The following EFNA5 variants were observed in gnomAD, a reference collection of about 807,000 sequenced individuals.
EFNA5 encodes ephrin-A5.
EFNA5 carries 5 observed loss-of-function variants against 22.9 expected under a neutral mutation model. The observed-to-expected ratio is 0.22, with a 90% CI of 0.11 to 0.46. EFNA5 has a LOEUF of 0.46. EFNA5 is among the 20% of genes least tolerant of loss of function. The pLI, the probability that EFNA5 is intolerant of heterozygous loss-of-function variation, is 0.99. For synonymous variants in EFNA5, 113 were observed against 112.2 expected (o/e 1.01, Z -0.04); for missense variants, 237 against 293.3 (o/e 0.81, Z 1.40).
intron 1 of EFNA5, among the ~76,000 whole-genome samples, chr5:107,600,507 C>G (rs11948426): frequency 0.081 from 12,182 of 150,224 alleles, 1,671 homozygotes; most frequent in African/African-American, 0.28. Context: ...TTTTTTTGGC[C>G]ACAGAGTCTC....
chr5:107,456,755 G>A (rs1037951074), intron 1 of EFNA5, among the ~76,000 whole-genome samples: 1 of 152,112 alleles, frequency 6.6e-6, no homozygotes, highest in Non-Finnish European at 1.5e-5. Context: ...GTCCAGATGA[G>A]CTCTCTGGTC....
Position 107,387,693 on chromosome 5 carries a change from C to T in EFNA5, c.484+13G>A. 1 of 1,601,978 alleles carries T rather than the reference C, an allele frequency of 6.2e-7. No homozygotes were observed. Among genetic ancestry groups the T allele is most frequent in the Middle Eastern group, 1.7e-4 (1 of 6,016 alleles). Reference sequence around the variant, plus strand: ...GTGAAGCCACCCTCTGAAGCTCATTCTAGTGAACTTACTTGTTGGTCTCAC... The same window carrying T: ...GTGAAGCCACCCTCTGAAGCTCATTTTAGTGAACTTACTTGTTGGTCTCAC... On this transcript the variant is annotated intron_variant, in intron 3 of 4. Coordinates refer to ENST00000333274, the MANE Select transcript of EFNA5 (RefSeq NM_001962.3).
chr5:107,660,283 T>TATATATATATATATAA (rs1561462895), intron 1 of EFNA5, among the ~76,000 whole-genome samples: 9 of 67,970 alleles, frequency 1.3e-4, no homozygotes, highest in African/African-American at 3.3e-4. Context: ...TATATATATA[T>TATATATATATATATAA]ATATATATAT....
chr5:107,412,081 TA>T (rs1192021155), intron 2 of EFNA5, among the ~76,000 whole-genome samples: 67 of 151,998 alleles, frequency 4.4e-4, no homozygotes, highest in Admixed American at 4.2e-3. Flanking sequence ...TGTGATGGGT[TA>T]AAAAAAATAG....
intron 1 of EFNA5, among the ~76,000 whole-genome samples, chr5:107,603,766 T>A (rs967511390): frequency 6.6e-6 from 1 of 152,220 alleles, no homozygotes; most frequent in Non-Finnish European, 1.5e-5. Context: ...GTGACTTATG[T>A]TAGCAAGTGA....
chr5:107,555,918 A>G (rs1748400373), intron 1 of EFNA5, among the ~76,000 whole-genome samples: 1 of 152,306 alleles, frequency 6.6e-6, no homozygotes. Context: ...AAGCATCTCT[A>G]TCCAACTCAC....
intron 1 of EFNA5, among the ~76,000 whole-genome samples, chr5:107,582,401 G>T (rs776155708): frequency 5.3e-5 from 8 of 152,138 alleles, no homozygotes; most frequent in Non-Finnish European, 1.0e-4. Flanking sequence ...TGTAAGACAG[G>T]ATACTACAAA....
chr5:107,387,486 A>C (rs1747659162), intron 3 of EFNA5, among the ~76,000 whole-genome samples, 171 bp from the exon 4 acceptor site: 1 of 152,224 alleles, frequency 6.6e-6, no homozygotes, highest in Non-Finnish European at 1.5e-5. Context: ...CATGTACAAC[A>C]GTCTAAGAAA....
At chr5:107,438,550 G>T (rs1473130199) in intron 1 of EFNA5, among the ~76,000 whole-genome samples, 1 of 152,182 alleles carries the variant, frequency 6.6e-6, no homozygotes, top group Non-Finnish European at 1.5e-5. Context: ...ATGTCCAGGG[G>T]TTTGCTCCAG....
intron 1 of EFNA5, among the ~76,000 whole-genome samples, chr5:107,486,478 C>G (rs72789625): frequency 5.2e-4 from 79 of 152,232 alleles, no homozygotes; most frequent in Non-Finnish European, 9.1e-4. Context: ...GTTCGGGTAA[C>G]TTATGGAAAT....
At chr5:107,496,069 T>C (rs1346801962) in intron 1 of EFNA5, among the ~76,000 whole-genome samples, 1 of 149,976 alleles carries the variant, frequency 6.7e-6, no homozygotes, top group Non-Finnish European at 1.5e-5. Context: ...CTCATGCCTG[T>C]AATCCCAGCA....
chr5:107,381,510 A>C, intron 4 of EFNA5, 134 bp from the exon 5 acceptor site: 1 of 999,558 alleles, frequency 1.0e-6, no homozygotes, highest in Non-Finnish European at 1.4e-6. Context: ...ATTGACTTTC[A>C]TGTCTGCATA....
chr5:107,514,417 T>C (rs543606744), intron 1 of EFNA5, among the ~76,000 whole-genome samples: 2 of 152,276 alleles, frequency 1.3e-5, no homozygotes, highest in East Asian at 1.9e-4. Flanking sequence ...GGTTACTGTT[T>C]CATGTGAACT....
intron 2 of EFNA5, among the ~76,000 whole-genome samples, chr5:107,412,016 G>A (rs971369304): frequency 6.6e-6 from 1 of 152,146 alleles, no homozygotes; most frequent in African/African-American, 2.4e-5. Flanking sequence ...CATACATTTG[G>A]CAATGAATTA....
intron 1 of EFNA5, among the ~76,000 whole-genome samples, chr5:107,436,609 T>G (rs1359315609): frequency 6.6e-6 from 1 of 152,152 alleles, no homozygotes; most frequent in Non-Finnish European, 1.5e-5. Context: ...AAAGCTGTAC[T>G]TCAGGTCTTA....
intron 1 of EFNA5, among the ~76,000 whole-genome samples, chr5:107,550,212 C>T (rs908690566): frequency 6.6e-6 from 1 of 152,116 alleles, no homozygotes; most frequent in African/African-American, 2.4e-5. Flanking sequence ...ACACAGGGAA[C>T]AACTCTTGTC....
At chr5:107,616,842 A>G (rs924586721) in intron 1 of EFNA5, among the ~76,000 whole-genome samples, 12 of 152,210 alleles carry the variant, frequency 7.9e-5, no homozygotes, top group African/African-American at 2.4e-4. Context: ...ACATTTTTAT[A>G]AATCCAAATA....
In EFNA5 at chr5:107,550,588, A is replaced by C. The variant is rs545887505; in HGVS notation, c.125+119901T>G. Among the ~76,000 whole-genome samples the C allele has an allele frequency of 6.6e-5, 10 of 152,316 alleles. No homozygotes were observed. In the South Asian group the frequency reaches 1.7e-3, roughly 25 times the overall value. ...TGATACGATATATGTACTGTACCTT[A>C]ATAAGGCAGTTATAATTTTCATTCC... On this transcript the variant is annotated intron_variant, in intron 1 of 4. Transcript: ENST00000333274.
At chr5:107,443,674 C>T (rs1421270838) in intron 1 of EFNA5, among the ~76,000 whole-genome samples, 2 of 151,946 alleles carry the variant, frequency 1.3e-5, no homozygotes, top group African/African-American at 4.8e-5. Context: ...AACACATGGA[C>T]ACAGGGAGGG....
Sources: gnomAD v4.1 joint callset for allele counts (sites outside exome capture counted in the v4.1 genomes callset) on GRCh38, gnomAD v4.1.1 for gene constraint, MANE v1.5 for transcripts, NCBI Gene and HGNC (gene_info 2026-07-23, HGNC 2026-07-21) for gene names.